Variants in RUFY1 observed in about 807,000 individuals in gnomAD.
The protein encoded by RUFY1 is RUN and FYVE domain containing 1.
RUFY1 carries 54 observed loss-of-function variants against 94.6 expected under a neutral mutation model. The observed-to-expected ratio is 0.57, with a 90% confidence interval of 0.46 to 0.72. The LOEUF is 0.72. Ranked by LOEUF, RUFY1 falls within the 30% of genes least tolerant of loss-of-function variation. RUFY1 has a pLI of 0.00. For synonymous variants in RUFY1, 396 were observed against 347.3 expected (o/e 1.14, Z -1.56); for missense variants, 883 against 883.9 (o/e 1.00, Z 0.01).
intron 5 of RUFY1, among the ~76,000 whole-genome samples, chr5:179,569,694 G>C (rs1318744341): frequency 1.3e-5 from 2 of 152,076 alleles, no homozygotes; most frequent in Non-Finnish European, 2.9e-5. Context: ...TGAAAGTGGA[G>C]GCTGGGCCTG....
chr5:179,600,869 G>A (rs938683433), intron 14 of RUFY1, among the ~76,000 whole-genome samples: 3 of 151,672 alleles, frequency 2.0e-5, no homozygotes, highest in African/African-American at 7.3e-5. Flanking sequence ...GCTAATTTTT[G>A]TATTTTTAAC....
At chr5:179,551,001 G>C (rs3733919) in intron 1 of RUFY1, 122 bp downstream of exon 1, 103,086 of 851,412 alleles carry the variant, frequency 0.12, 8,552 homozygotes, top group East Asian at 0.62. Flanking sequence ...GCGAGCTGTT[G>C]GCGGGCGGGC....
chr5:179,557,634 A>C (rs547901393), intron 1 of RUFY1, among the ~76,000 whole-genome samples: 1 of 152,186 alleles, frequency 6.6e-6, no homozygotes, highest in Non-Finnish European at 1.5e-5. Context: ...ACTTAGCTGC[A>C]GTTTGGGCTC....
chr5:179,580,871 G>T (rs1764100892), intron 6 of RUFY1, 76 bp from the exon 7 acceptor site: 1 of 790,144 alleles, frequency 1.3e-6, no homozygotes, highest in Non-Finnish European at 2.1e-6. Context: ...CAAGGTGATT[G>T]GAATATTGGG....
At chr5:179,600,822 G>C (rs919124090) in intron 14 of RUFY1, among the ~76,000 whole-genome samples, 2 of 148,024 alleles carry the variant, frequency 1.4e-5, no homozygotes, top group African/African-American at 5.0e-5. Context: ...TCAGCCTCCC[G>C]AGTAGTTGGG....
At chr5:179,598,921 GC>G in intron 14 of RUFY1, 100 bp downstream of exon 14, 1 of 1,369,424 alleles carries the variant, frequency 7.3e-7, no homozygotes, top group Non-Finnish European at 1.0e-6. Context: ...TTGTGTGGGG[GC>G]CAGGCGGCTC....
In RUFY1 at chr5:179,569,130, C is replaced by T. The variant is rs201697169; in HGVS notation, c.705-172C>T. 71 of 984,170 alleles carry T rather than the reference C, an allele frequency of 7.2e-5. No individual in the cohort carries two copies. In the Admixed American group the frequency reaches 2.6e-3, roughly 36 times the overall value. The allele number at this position is 984,170 out of a possible 1,614,324, so 61.0% of individuals were successfully genotyped here. A position where few individuals can be genotyped will look rare whatever the true frequency, so the allele number is the denominator to read the frequency against. On this transcript the variant is annotated intron_variant, in intron 4 of 17. Transcript: ENST00000319449. ...TAAGCCACAGGAAGAGAGGAGAGGA[C>T]GGGAGAAAAAGCAGCCGTTGAAGCA...
Position 179,593,546 on chromosome 5 carries a change from G to A in RUFY1, c.1314G>A (p.Leu438=). The A allele has an allele frequency of 6.2e-7, 1 of 1,614,084 alleles. No homozygotes were observed. The highest frequency in any genetic ancestry group is 8.5e-7 in the Non-Finnish European group (1 of 1,179,906). ...KTEMEIAMKL[L]EKDTHEKQDT... ...AAATGGAAATTGCAATGAAGTTACT[G>A]GAAAAGGACACCCACGAGAAGCAGG... Residue 438 remains leucine, a synonymous_variant, in exon 11 of 18, where the codon CTG becomes CTA. Coordinates refer to ENST00000319449, the MANE Select transcript of RUFY1 (RefSeq NM_025158.5).
intron 7 of RUFY1, among the ~76,000 whole-genome samples, chr5:179,583,745 T>C (rs1030810672): frequency 2.1e-5 from 3 of 142,592 alleles, no homozygotes; most frequent in Non-Finnish European, 4.6e-5. Context: ...TTATTTTTAT[T>C]TTTTATTTTA....
In RUFY1 at chr5:179,577,817, G is replaced by T. The variant is rs563644996; in HGVS notation, c.890+681G>T. Among the ~76,000 whole-genome samples, 65 of 145,980 alleles carry T rather than the reference G, an allele frequency of 4.5e-4. 2 individuals are homozygous for T. The South Asian group carries it at 0.014, about 31-fold the overall frequency. On this transcript the variant is annotated intron_variant, in intron 6 of 17. Coordinates refer to ENST00000319449, the MANE Select transcript of RUFY1 (RefSeq NM_025158.5). ...GTTGGATGTGCGCACATCGGGTGGT[G>T]TCCCCCGCCTGCCGAACGGGTAATG...
intron 15 of RUFY1, chr5:179,602,914 A>G (rs1454018736): frequency 6.6e-6 from 1 of 152,252 alleles, no homozygotes; most frequent in Non-Finnish European, 1.5e-5. Flanking sequence ...GACCAAGGAG[A>G]TGGGGCTCAC....
chr5:179,569,825 A>G (rs1190673244), intron 5 of RUFY1, among the ~76,000 whole-genome samples: 1 of 151,878 alleles, frequency 6.6e-6, no homozygotes, highest in Non-Finnish European at 1.5e-5. Flanking sequence ...GCTCCCTGCA[A>G]CCTCCGCCTC....
intron 5 of RUFY1, among the ~76,000 whole-genome samples, chr5:179,573,057 A>T (rs1047274488): frequency 1.3e-5 from 2 of 152,208 alleles, no homozygotes; most frequent in Non-Finnish European, 2.9e-5. Context: ...ATCATATGTG[A>T]AATATCCATA....
At chr5:179,586,503 C>T (rs982887799) in intron 8 of RUFY1, 3 of 453,476 alleles carry the variant, frequency 6.6e-6, no homozygotes, top group Non-Finnish European at 1.3e-5. Flanking sequence ...CCCAGGCCTC[C>T]CACCTAGAAG....
At chr5:179,568,893 C>T (rs552617978) in intron 4 of RUFY1, 12 of 326,844 alleles carry the variant, frequency 3.7e-5, no homozygotes, top group Middle Eastern at 1.5e-3. Flanking sequence ...CTCCGTGGGA[C>T]GCAAGAAGGA....
intron 2 of RUFY1, among the ~76,000 whole-genome samples, chr5:179,560,937 C>T (rs572973422): frequency 3.0e-4 from 45 of 152,114 alleles, no homozygotes; most frequent in African/African-American, 9.4e-4. Context: ...AGGCCAGGCG[C>T]GGTGGCTCAC....
chr5:179,607,637 A>T lies in RUFY1; in HGVS notation c.1961A>T (p.Glu654Val), dbSNP rs779198004. ...ACACACTGTAGGCAGTGTGAGAAGGAGTTCTCCATTTCCCGGAGAAAGGTA... is the reference window on the plus strand; with the variant it reads ...ACACACTGTAGGCAGTGTGAGAAGGTGTTCTCCATTTCCCGGAGAAAGGTA... ...EATHCRQCEK[E>V]FSISRRKHHC... Residue 654 changes from glutamate to valine, a missense_variant, in exon 17 of 18, where the codon GAG becomes GTG. By Grantham distance (121) the Glu-to-Val change is moderately radical. Coordinates refer to ENST00000319449, the MANE Select transcript of RUFY1 (RefSeq NM_025158.5). 22 of 1,614,048 alleles carry T rather than the reference A, an allele frequency of 1.4e-5. No homozygotes were observed. Among genetic ancestry groups the T allele is most frequent in the South Asian group, 6.6e-5 (6 of 91,088 alleles).
intron 1 of RUFY1, among the ~76,000 whole-genome samples, chr5:179,558,465 G>A (rs1409060845): frequency 6.6e-6 from 1 of 151,968 alleles, no homozygotes; most frequent in African/African-American, 2.4e-5. Context: ...CCAGCTACTC[G>A]GGAGTCTGAA....
At position 179,607,409 on chromosome 5, in the gene RUFY1, A is replaced by G. The variant is rs764737181; in HGVS notation, c.1906-173A>G. 6.4e-6 allele frequency: 4 copies of G among 627,830 alleles called. No homozygotes were observed. In the South Asian group the frequency reaches 7.5e-5, roughly 12 times the overall value. 38.9% of individuals were successfully genotyped at this position (627,830 alleles called of 1,614,324 possible). On this transcript the variant is annotated intron_variant, in intron 16 of 17. Transcript: ENST00000319449. ...GGATGCAGAAATCCCGGCTGCGGCC[A>G]GACGGGGAAAGAGCCCCTTGATGAC... is the stretch of plus-strand genomic sequence containing the variant.
Sources: gnomAD v4.1 joint callset for allele counts (sites outside exome capture counted in the v4.1 genomes callset) on GRCh38, gnomAD v4.1.1 for gene constraint, MANE v1.5 for transcripts, NCBI Gene and HGNC (gene_info 2026-07-23, HGNC 2026-07-21) for gene names.